Variants in ITGBL1 observed in about 807,000 individuals in gnomAD.
ITGBL1 encodes integrin beta-like protein 1.
ITGBL1 carries 51 observed loss-of-function variants against 68.5 expected under a neutral mutation model. The ratio of observed to expected loss-of-function variants is 0.74; its 90% CI spans 0.59 to 0.94. The LOEUF (loss-of-function observed/expected upper bound fraction) is 0.94, where lower values mean the gene tolerates loss of function less well. ITGBL1 is among the 40% of genes least tolerant of loss of function. ITGBL1 has a pLI of 0.00. For synonymous variants in ITGBL1, 209 were observed against 227.3 expected (o/e 0.92, Z 0.72); for missense variants, 649 against 647.4 (o/e 1.00, Z -0.03).
At chr13:101,623,358 A>G (rs1241386657) in intron 7 of ITGBL1, among the ~76,000 whole-genome samples, 2 of 152,206 alleles carry the variant, frequency 1.3e-5, no homozygotes, top group African/African-American at 2.4e-5. Context: ...TCTAAAAGTC[A>G]TAAAAATGTT....
intron 9 of ITGBL1, among the ~76,000 whole-genome samples, chr13:101,709,094 G>T (rs9585757): frequency 0.099 from 15,122 of 152,120 alleles, 990 homozygotes; most frequent in African/African-American, 0.18. Flanking sequence ...GGCCGGGCGC[G>T]GTGGCTCACG....
chr13:101,471,696 G>T (rs1388988542), intron 2 of ITGBL1, among the ~76,000 whole-genome samples: 1 of 152,100 alleles, frequency 6.6e-6, no homozygotes, highest in Non-Finnish European at 1.5e-5. Context: ...TACGTTTTCG[G>T]TATTGTGGAT....
chr13:101,553,704 T>C (rs1361456892), intron 2 of ITGBL1, among the ~76,000 whole-genome samples: 1 of 151,860 alleles, frequency 6.6e-6, no homozygotes, highest in Non-Finnish European at 1.5e-5. Flanking sequence ...GACCCTTGGC[T>C]TGTAGACACA....
chr13:101,708,996 G>A (rs1011466624), intron 9 of ITGBL1, among the ~76,000 whole-genome samples: 1 of 152,238 alleles, frequency 6.6e-6, no homozygotes, highest in African/African-American at 2.4e-5. Context: ...TTCAAGCTGT[G>A]TTGGGACAAC....
intron 2 of ITGBL1, among the ~76,000 whole-genome samples, chr13:101,522,943 A>C (rs942559777): frequency 1.3e-5 from 2 of 152,216 alleles, no homozygotes; most frequent in African/African-American, 4.8e-5. Flanking sequence ...GCTGCAGGCA[A>C]AATAATGCCA....
At chr13:101,507,610 T>G (rs911491043) in intron 2 of ITGBL1, among the ~76,000 whole-genome samples, 2 of 152,202 alleles carry the variant, frequency 1.3e-5, no homozygotes, top group African/African-American at 4.8e-5. Flanking sequence ...CTTGTCTTCT[T>G]TGCATACACC....
chr13:101,494,315 T>A (rs1449452087), intron 2 of ITGBL1, among the ~76,000 whole-genome samples: 1 of 152,210 alleles, frequency 6.6e-6, no homozygotes, highest in East Asian at 1.9e-4. Context: ...GCACTGAAGT[T>A]TTGGTGACCA....
At chr13:101,637,988 G>A (rs957342111) in intron 7 of ITGBL1, among the ~76,000 whole-genome samples, 4 of 152,102 alleles carry the variant, frequency 2.6e-5, no homozygotes, top group African/African-American at 9.7e-5. Flanking sequence ...TACTTGAAAG[G>A]AATATTCCTG....
At chr13:101,665,920 G>A (rs935372031) in intron 7 of ITGBL1, among the ~76,000 whole-genome samples, 2 of 152,170 alleles carry the variant, frequency 1.3e-5, no homozygotes, top group Admixed American at 6.5e-5. Context: ...GCAACTGCCT[G>A]CCTAACCTTG....
intron 7 of ITGBL1, among the ~76,000 whole-genome samples, chr13:101,601,821 TC>T (rs2030400364): frequency 6.6e-6 from 1 of 152,158 alleles, no homozygotes; most frequent in South Asian, 2.1e-4. Flanking sequence ...TAATTTCTGT[TC>T]TTTTACATTT....
intron 2 of ITGBL1, among the ~76,000 whole-genome samples, chr13:101,481,758 T>C (rs2048628074): frequency 6.6e-6 from 1 of 152,184 alleles, no homozygotes. Flanking sequence ...ATTTTCTTTT[T>C]ATTTTGAGTT....
chr13:101,692,009 A>AT (rs986975051), intron 7 of ITGBL1, among the ~76,000 whole-genome samples: 4 of 152,176 alleles, frequency 2.6e-5, no homozygotes, highest in African/African-American at 9.7e-5. Flanking sequence ...AATATTTATA[A>AT]TTTTAAATTT....
chr13:101,659,269 T>C (rs1264039261), intron 7 of ITGBL1, among the ~76,000 whole-genome samples: 3 of 152,114 alleles, frequency 2.0e-5, no homozygotes, highest in Non-Finnish European at 4.4e-5. Context: ...ATATTTCAAT[T>C]GATTTTCTTC....
At chr13:101,600,159 T>C (rs1264454109) in intron 7 of ITGBL1, among the ~76,000 whole-genome samples, 1 of 152,156 alleles carries the variant, frequency 6.6e-6, no homozygotes, top group Non-Finnish European at 1.5e-5. Context: ...TCACATCCCT[T>C]GTAAGTTGGA....
intron 2 of ITGBL1, among the ~76,000 whole-genome samples, chr13:101,531,715 A>G (rs915955876): frequency 7.1e-6 from 1 of 141,450 alleles, no homozygotes; most frequent in African/African-American, 2.6e-5. Context: ...TTATTTATTT[A>G]TTTATTTATT....
At chr13:101,471,528 ATGTATGTGTGTGTGTGTGTG>A (rs1190011573) in intron 2 of ITGBL1, among the ~76,000 whole-genome samples, 4 of 117,202 alleles carry the variant, frequency 3.4e-5, no homozygotes, top group African/African-American at 1.4e-4. Flanking sequence ...GTGTGTGTGT[ATGTATGTGTGTGTGTGTGTG>A]TGTGTGTGTG....
rs1034448555 is a variant in ITGBL1, at chr13:101,605,746, A to T, written c.1015+7447A>T. On this transcript the variant is annotated intron_variant, in intron 7 of 10. Coordinates refer to ENST00000376180, the MANE Select transcript of ITGBL1 (RefSeq NM_004791.3). Reference sequence around the variant, plus strand: ...CGTGTACACGTATGTAGACATATGTATGTGCGTATATGTGTGTACACGTGT... The same window carrying T: ...CGTGTACACGTATGTAGACATATGTTTGTGCGTATATGTGTGTACACGTGT... Among the ~76,000 whole-genome samples the T allele has an allele frequency of 2.7e-5, 4 of 150,238 alleles. No homozygotes were observed. The Admixed American group carries it at 2.7e-4, about 10-fold the overall frequency.
intron 2 of ITGBL1, among the ~76,000 whole-genome samples, chr13:101,478,271 A>G (rs1303582018): frequency 1.3e-5 from 2 of 152,124 alleles, no homozygotes; most frequent in East Asian, 1.9e-4. Context: ...AAAGCATTGG[A>G]TAAGTCACTA....
At chr13:101,712,115 TAAC>T (rs1311323447) in intron 9 of ITGBL1, 2 of 152,214 alleles carry the variant, frequency 1.3e-5, no homozygotes, top group African/African-American at 4.8e-5. Flanking sequence ...TAGGTCCTAA[TAAC>T]TATTCACACT....
Sources: allele counts gnomAD v4.1 joint callset (sites outside exome capture counted in the v4.1 genomes callset), GRCh38; gene constraint gnomAD v4.1.1; transcripts MANE v1.5; gene names NCBI Gene and HGNC (gene_info 2026-07-23, HGNC 2026-07-21).